The following TERT variants were observed in gnomAD, a reference collection of about 807,000 sequenced individuals.
TERT encodes telomerase catalytic subunit.
A neutral mutation model predicts 104.0 loss-of-function variants in TERT; 42 were observed. The observed-to-expected ratio is 0.40, with a 90% CI of 0.32 to 0.52. The LOEUF (loss-of-function observed/expected upper bound fraction) is 0.52. TERT is among the 20% of genes least tolerant of loss of function. The pLI is 0.43. For synonymous variants in TERT, 781 were observed against 725.6 expected, an observed-to-expected ratio of 1.08 and a Z score of -1.23; for missense variants, 1,101 against 1,610.3, an observed-to-expected ratio of 0.68 and a Z score of 5.41.
At chr5:1,280,060 C>T (rs926693100) in intron 4 of TERT, 98 bp downstream of exon 4, 36 of 1,487,340 alleles carry the variant, frequency 2.4e-5, no homozygotes, top group South Asian at 1.5e-4. Context: ...GGCTGTGTCC[C>T]GTGGCCCCTC....
At chr5:1,291,351 C>G (rs370223266) in intron 2 of TERT, among the ~76,000 whole-genome samples, 11 of 31,126 alleles carry the variant, frequency 3.5e-4, no homozygotes, top group Admixed American at 7.2e-4. Flanking sequence ...ACCCGGGGAC[C>G]GCGCCTCACT....
rs867386500 is a variant in TERT at position 1,279,328 on chromosome 5, C to A, written c.2093G>T (p.Arg698Leu). ...RAWRTFVLRV[R>L]AQDPPPELYF... ...CAGCTCAGGCGGCGGGTCCTGGGCCCGCACACGCAGCACGAAGGTGCGCCA... is the reference window on the plus strand; with the variant it reads ...CAGCTCAGGCGGCGGGTCCTGGGCCAGCACACGCAGCACGAAGGTGCGCCA... Residue 698 changes from arginine (R) to leucine (L), a missense_variant, in exon 5 of 16, where the codon CGG becomes CTG. Arg to Leu is a moderately radical substitution (Grantham distance 102). This residue lies in a region of TERT where 463 missense variants were observed against 797.5 expected (regional missense o/e 0.58). Transcript: ENST00000310581. 6.3e-7 allele frequency: 1 copy of A among 1,585,834 alleles called. No individual in the cohort carries two copies. Among genetic ancestry groups the A allele is most frequent in the East Asian group, 2.3e-5 (1 of 43,348 alleles).
chr5:1,253,937 GC>G, intron 15 of TERT, 106 bp from the exon 16 acceptor site: 1 of 1,269,960 alleles, frequency 7.9e-7, no homozygotes, highest in East Asian at 2.5e-5. Flanking sequence ...GCACCTCGTG[GC>G]CCTGGCTGGT....
At chr5:1,271,277 A>C (rs1749014934) in intron 7 of TERT, 73 bp from the exon 8 acceptor site, 1 of 1,065,956 alleles carries the variant, frequency 9.4e-7, no homozygotes, top group Non-Finnish European at 1.4e-6. Context: ...CGTGGCCAAG[A>C]CCCTCCGTCC....
At chr5:1,260,007 GC>G (rs1453889702) in intron 12 of TERT, among the ~76,000 whole-genome samples, 1 of 152,146 alleles carries the variant, frequency 6.6e-6, no homozygotes, top group Non-Finnish European at 1.5e-5. Context: ...GGACGCGGAT[GC>G]CCAGATGGGA....
At chr5:1,289,309 C>T (rs1308504685) in intron 2 of TERT, among the ~76,000 whole-genome samples, 3 of 144,960 alleles carry the variant, frequency 2.1e-5, no homozygotes, top group Non-Finnish European at 4.5e-5. Context: ...CTCACTCACC[C>T]TACACGTGAC....
rs143585580 is a variant in TERT at position 1,282,467 on chromosome 5, C to T, written c.1731G>A (p.Arg577=). The T allele has an allele frequency of 2.5e-6, 4 of 1,614,062 alleles. No individual in the cohort carries two copies. The South Asian group carries it at 3.3e-5, about 13-fold the overall frequency. Residue 577 remains arginine, a synonymous_variant, in exon 3 of 16, where the codon CGG becomes CGA. Coordinates refer to ENST00000310581, the MANE Select transcript of TERT (RefSeq NM_198253.3). The part of the protein sequence containing the change: ...TFQKNRLFFY[R]KSVWSKLQSI... ...TTTGCAACTTGCTCCAGACACTCTT[C>T]CGGTAGAAAAAGAGCCTGTTCTTTT...
At position 1,288,975 on chromosome 5, in the gene TERT, G is replaced by A. The variant is rs1328406721; in HGVS notation, c.1573+4338C>T. Among the ~76,000 whole-genome samples the A allele has an allele frequency of 3.3e-5, 5 of 152,276 alleles. No homozygotes were observed. The highest frequency in any genetic ancestry group is 6.5e-5 in the Admixed American group (1 of 15,296). Reference sequence around the variant, plus strand: ...AGATAGGCTTGGGGACCAGCACTGCGCCTGCACCATCTACCCAGGCAATGG... The same window carrying A: ...AGATAGGCTTGGGGACCAGCACTGCACCTGCACCATCTACCCAGGCAATGG... On this transcript the variant is annotated intron_variant, in intron 2 of 15. Transcript: ENST00000310581. The surrounding 1 kb of genome is among the most constrained non-coding windows in gnomAD (Gnocchi z 5.3).
chr5:1,279,056 G>A (rs1389586343), intron 5 of TERT, among the ~76,000 whole-genome samples: 2 of 152,216 alleles, frequency 1.3e-5, no homozygotes, highest in Non-Finnish European at 2.9e-5. Context: ...GAATCCAGTG[G>A]GACCCTCCTT....
Position 1,292,466 on chromosome 5 carries a change from G to A in TERT, c.1573+847C>T, listed in dbSNP as rs985162467. 2.6e-5 allele frequency among the ~76,000 whole-genome samples: 4 copies of A among 152,074 alleles called. No individual in the cohort carries two copies. The highest frequency in any genetic ancestry group is 4.4e-5 in the Non-Finnish European group (3 of 68,032). ...AGATGGGACCAGGATCTGTGCTGGA[G>A]AACAGTCTTATCTCCCTCCCTCTAC... On this transcript the variant is annotated intron_variant, in intron 2 of 15. Coordinates refer to ENST00000310581, the MANE Select transcript of TERT (RefSeq NM_198253.3). This position sits in a 1 kb window ranked among gnomAD's most constrained non-coding sequence, Gnocchi z 5.5.
chr5:1,260,319 C>T (rs1198775102), intron 12 of TERT, among the ~76,000 whole-genome samples, 155 bp downstream of exon 12: 3 of 152,236 alleles, frequency 2.0e-5, no homozygotes, highest in Non-Finnish European at 4.4e-5. Flanking sequence ...CACACATGCA[C>T]ACATGTATGT....
At chr5:1,282,228 T>G (rs1750069025) in intron 3 of TERT, among the ~76,000 whole-genome samples, 1 of 152,242 alleles carries the variant, frequency 6.6e-6, no homozygotes, top group African/African-American at 2.4e-5. Context: ...CTCCTGATTT[T>G]ACAAGTAAGA....
rs1751063255 is a variant in TERT, at chr5:1,292,557, G to A, written c.1573+756C>T. ...GACAGAGTTTCACTCTTGTCGCCCA[G>A]GCTGGAGTACAATGGCACAATCTCA... On this transcript the variant is annotated intron_variant, in intron 2 of 15. Coordinates refer to ENST00000310581, the MANE Select transcript of TERT (RefSeq NM_198253.3). The surrounding 1 kb of genome is among the most constrained non-coding windows in gnomAD (Gnocchi z 5.5). Among the ~76,000 whole-genome samples, 1 of 151,956 alleles carries A rather than the reference G, an allele frequency of 6.6e-6. No homozygotes were observed. The highest frequency in any genetic ancestry group is 2.4e-5 in the African/African-American group (1 of 41,348).
intron 10 of TERT, 145 bp downstream of exon 10, chr5:1,266,319 G>A (rs1464989862): frequency 2.7e-5 from 22 of 815,406 alleles, no homozygotes; most frequent in Non-Finnish European, 4.3e-5. Context: ...ACGGCCAAGC[G>A]CCTCTGCTCT....
chr5:1,291,602 C>T (rs564256470), intron 2 of TERT, among the ~76,000 whole-genome samples: 192 of 5,026 alleles, frequency 0.038, 9 homozygotes, highest in East Asian at 0.066. Context: ...CACCCGGGGA[C>T]AGTGCCTCAC....
Position 1,263,838 on chromosome 5 carries a change from A to C in TERT, c.2843+566T>G, listed in dbSNP as rs1445488432. Among the ~76,000 whole-genome samples, 1 of 152,160 alleles carries C rather than the reference A, an allele frequency of 6.6e-6. No individual in the cohort carries two copies. Among genetic ancestry groups the C allele is most frequent in the Non-Finnish European group, 1.5e-5 (1 of 68,018 alleles). On this transcript the variant is annotated intron_variant, in intron 11 of 15. Coordinates refer to ENST00000310581, the MANE Select transcript of TERT (RefSeq NM_198253.3). The surrounding 1 kb of genome is among the most constrained non-coding windows in gnomAD (Gnocchi z 5.3). ...GGGCTCTGGGGAAACAAGACCCCAG[A>C]ATTTTGTAGAGACCCCCCCCACACC...
Position 1,268,635 on chromosome 5 carries a change from T to A in TERT, c.2469-2A>T. Reference sequence around the variant, plus strand: ...ATCCCCTGGCACTGGACGTAGGACCTGGGGCGGGAAGACACAGGTGAGAGA... The same window carrying A: ...ATCCCCTGGCACTGGACGTAGGACCAGGGGCGGGAAGACACAGGTGAGAGA... On this transcript the variant is annotated splice_acceptor_variant, in intron 8 of 15. Coordinates refer to ENST00000310581, the MANE Select transcript of TERT (RefSeq NM_198253.3). LOFTEE classifies it high-confidence loss of function. This position sits in a 1 kb window ranked among gnomAD's most constrained non-coding sequence, Gnocchi z 5.5. 1 of 1,609,270 alleles carries A rather than the reference T, an allele frequency of 6.2e-7. No individual in the cohort carries two copies. Among genetic ancestry groups the A allele is most frequent in the Non-Finnish European group, 8.5e-7 (1 of 1,176,626 alleles).
In TERT at chr5:1,264,426, C is replaced by G; in HGVS notation, c.2821G>C (p.Glu941Gln). 6.2e-7 allele frequency: 1 copy of G among 1,613,316 alleles called. No individual in the cohort carries two copies. The highest frequency in any genetic ancestry group is 8.5e-7 in the Non-Finnish European group (1 of 1,179,944). Residue 941 changes from glutamate (E) to glutamine (Q), a missense_variant, in exon 11 of 16, where the codon GAG (glutamate) becomes CAG (glutamine). Coordinates refer to ENST00000310581, the MANE Select transcript of TERT (RefSeq NM_198253.3). Reference sequence around the variant, plus strand: ...CACCTGGAGTAGTCGCTCTGCACCTCCAGGGTCCGGGTATCCAGCAGCAGG... The same window carrying G: ...CACCTGGAGTAGTCGCTCTGCACCTGCAGGGTCCGGGTATCCAGCAGCAGG... ...CGLLLDTRTL[E>Q]VQSDYSSYAR...
At chr5:1,258,311 GC>G (rs1178270536) in intron 13 of TERT, among the ~76,000 whole-genome samples, 1 of 152,228 alleles carries the variant, frequency 6.6e-6, no homozygotes, top group African/African-American at 2.4e-5. Context: ...TTTACCCCAT[GC>G]CCCTGCTGCC....
Sources: allele counts gnomAD v4.1 joint callset (sites outside exome capture counted in the v4.1 genomes callset), GRCh38; gene constraint gnomAD v4.1.1; regional missense constraint gnomAD v4.1.1; non-coding constraint Gnocchi (gnomAD v3.1); transcripts MANE v1.5; gene names NCBI Gene and HGNC (gene_info 2026-07-23, HGNC 2026-07-21).